ATXN10: variants seen among roughly 807,000 people sequenced by gnomAD.
ATXN10 encodes the protein ataxin 10, also known as ataxin-10.
Under a neutral mutation model 52.9 loss-of-function variants are expected in ATXN10, and 28 were observed. The ratio of observed to expected loss-of-function variants is 0.53; its 90% confidence interval spans 0.39 to 0.73. The LOEUF (loss-of-function observed/expected upper bound fraction) is 0.73. Ranked by LOEUF, ATXN10 falls within the 30% of genes least tolerant of loss-of-function variation. The pLI, the probability that ATXN10 is intolerant of heterozygous loss-of-function variation, is 0.00. For missense variants in ATXN10, 565 were observed against 577.0 expected (o/e 0.98, Z 0.21); for synonymous variants, 226 against 221.5 (o/e 1.02, Z -0.18).
intron 3 of ATXN10, 146 bp downstream of exon 3, chr22:45,693,224 T>G (rs1015910909): frequency 1.3e-6 from 1 of 742,958 alleles, no homozygotes; most frequent in Non-Finnish European, 2.3e-6. Flanking sequence ...TAAAGAATTA[T>G]AAAGTTGTAT....
chr22:45,829,521 A>G (rs1928922209), intron 10 of ATXN10, among the ~76,000 whole-genome samples: 1 of 152,212 alleles, frequency 6.6e-6, no homozygotes, highest in Admixed American at 6.5e-5. Context: ...CTCATGTTTT[A>G]ATGAATTCAG....
At chr22:45,806,929 AGT>A in intron 9 of ATXN10, 28 bp from the exon 10 acceptor site, 1 of 1,562,700 alleles carries the variant, frequency 6.4e-7, no homozygotes, top group Non-Finnish European at 8.8e-7. Flanking sequence ...TGCTGTTTTC[AGT>A]GTATAAACTT....
intron 5 of ATXN10, among the ~76,000 whole-genome samples, chr22:45,706,160 T>C (rs1340947626): frequency 6.6e-6 from 1 of 152,170 alleles, no homozygotes; most frequent in African/African-American, 2.4e-5. Context: ...GCCAAAAAGG[T>C]TGGGGACCAC....
chr22:45,744,672 G>C lies in ATXN10; in HGVS notation c.1173+4134G>C, dbSNP rs993417362. The C allele has an allele frequency of 6.6e-6, 1 of 152,306 alleles. No homozygotes were observed. Among genetic ancestry groups the C allele is most frequent in the Non-Finnish European group, 1.5e-5 (1 of 68,122 alleles). The allele number at this position is 152,306 out of a possible 1,614,324, so 9.4% of individuals were successfully genotyped here. A position where few individuals can be genotyped will look rare whatever the true frequency, so the allele number is the denominator to read the frequency against. On this transcript the variant is annotated intron_variant, in intron 9 of 11. Transcript: ENST00000252934. This position sits in a 1 kb window ranked among gnomAD's most constrained non-coding sequence, Gnocchi z 4.9. ...GGTGAGGCCTGTCAGAAAGGAACAG[G>C]GGGGTGATGTGTCCTCTGGGCTGGC...
intron 7 of ATXN10, among the ~76,000 whole-genome samples, chr22:45,735,071 G>C (rs1032151028): frequency 6.6e-6 from 1 of 151,864 alleles, no homozygotes; most frequent in South Asian, 2.1e-4. Flanking sequence ...TAGAGATGGG[G>C]TTTCGCCTTG....
chr22:45,698,203 A>G (rs796486298), intron 3 of ATXN10, among the ~76,000 whole-genome samples: 2 of 152,226 alleles, frequency 1.3e-5, no homozygotes, highest in East Asian at 1.9e-4. Flanking sequence ...TCTGCTTACC[A>G]TTTGAGGAGC....
intron 5 of ATXN10, among the ~76,000 whole-genome samples, chr22:45,717,039 G>T (rs1464465000): frequency 6.6e-6 from 1 of 152,030 alleles, no homozygotes; most frequent in East Asian, 1.9e-4. Flanking sequence ...CAGACACACT[G>T]CTGTTCTTTC....
chr22:45,729,868 A>G lies in ATXN10; in HGVS notation c.894+278A>G, dbSNP rs1925021539. The stretch of plus-strand genomic sequence containing the variant: ...CGTAGACATGTGCACATATGTATCT[A>G]TTAAAAGTGGAGCCTTTCTGTGCCT... On this transcript the variant is annotated intron_variant, in intron 7 of 11. Transcript: ENST00000252934. The G allele has an allele frequency of 2.1e-5, 9 of 426,522 alleles. No individual in the cohort carries two copies. In the Admixed American group the frequency reaches 2.4e-4, roughly 12 times the overall value. 26.4% of individuals were successfully genotyped at this position (426,522 alleles called of 1,614,324 possible).
rs1418767994 is a variant in ATXN10, at chr22:45,677,419, TATAGC to T, written c.116+5241_116+5245del. ...AATTTTTTTTTTCAGCTTCTATCAG[TATAGC>T]TCATTTTTTCTCTTCAATCTGCTTA... On this transcript the variant is annotated intron_variant, in intron 1 of 11. Transcript: ENST00000252934. The surrounding 1 kb of genome is among the most constrained non-coding windows in gnomAD (Gnocchi z 4.1). 1 of 151,592 alleles carries T rather than the reference TATAGC, an allele frequency of 6.6e-6. No individual in the cohort carries two copies. The highest frequency in any genetic ancestry group is 1.5e-5 in the Non-Finnish European group (1 of 67,912). 9.4% of individuals were successfully genotyped at this position (151,592 alleles called of 1,614,324 possible). A position where few individuals can be genotyped will look rare whatever the true frequency, so the allele number is the denominator to read the frequency against.
rs948857416 is a variant in ATXN10, at chr22:45,681,911, C to A, written c.117-7801C>A. Among the ~76,000 whole-genome samples the A allele has an allele frequency of 2.2e-4, 33 of 152,268 alleles. No homozygotes were observed. The highest frequency in any genetic ancestry group is 7.9e-4 in the African/African-American group (33 of 41,550). On this transcript the variant is annotated intron_variant, in intron 1 of 11. Coordinates refer to ENST00000252934, the MANE Select transcript of ATXN10 (RefSeq NM_013236.4). This position sits in a 1 kb window ranked among gnomAD's most constrained non-coding sequence, Gnocchi z 4.2. Reference sequence around the variant, plus strand: ...GATAATTTCCAGGAACTCTCATCACCCTCTCTGCCCACCTACTTGTATCTG... The same window carrying A: ...GATAATTTCCAGGAACTCTCATCACACTCTCTGCCCACCTACTTGTATCTG...
chr22:45,836,958 G>A (rs1157988319), intron 10 of ATXN10, among the ~76,000 whole-genome samples: 1 of 152,148 alleles, frequency 6.6e-6, no homozygotes, highest in Non-Finnish European at 1.5e-5. Flanking sequence ...CTATGTGCAG[G>A]CCCCCTCTGG....
At position 45,757,954 on chromosome 22, in the gene ATXN10, A is replaced by G. The variant is rs1926234318; in HGVS notation, c.1173+17416A>G. ...ATTTACTTCTTTTGAAATTTGTAAA[A>G]GAAGAAAAAAAGTTGAGCTTTTGTG... On this transcript the variant is annotated intron_variant, in intron 9 of 11. Coordinates refer to ENST00000252934, the MANE Select transcript of ATXN10 (RefSeq NM_013236.4). The surrounding 1 kb of genome is among the most constrained non-coding windows in gnomAD (Gnocchi z 4.6). 1.3e-5 allele frequency among the ~76,000 whole-genome samples: 2 copies of G among 152,260 alleles called. No individual in the cohort carries two copies. The highest frequency in any genetic ancestry group is 2.4e-5 in the African/African-American group (1 of 41,466).
intron 10 of ATXN10, among the ~76,000 whole-genome samples, chr22:45,813,036 G>A (rs1928335052): frequency 6.6e-6 from 1 of 152,190 alleles, no homozygotes; most frequent in African/African-American, 2.4e-5. Flanking sequence ...ACAAGGGGAA[G>A]CTTAACTCTG....
At chr22:45,811,900 C>G in intron 10 of ATXN10, 1 of 421,132 alleles carries the variant, frequency 2.4e-6, no homozygotes, top group South Asian at 1.8e-5. Flanking sequence ...ATAAGCATGC[C>G]CCTGTTCACA....
At position 45,750,322 on chromosome 22, in the gene ATXN10, C is replaced by T. The variant is rs943958856; in HGVS notation, c.1173+9784C>T. Among the ~76,000 whole-genome samples, 3 of 152,044 alleles carry T rather than the reference C, an allele frequency of 2.0e-5. No individual in the cohort carries two copies. The highest frequency in any genetic ancestry group is 4.4e-5 in the Non-Finnish European group (3 of 68,008). On this transcript the variant is annotated intron_variant, in intron 9 of 11. Transcript: ENST00000252934. This position sits in a 1 kb window ranked among gnomAD's most constrained non-coding sequence, Gnocchi z 4.2. Reference sequence around the variant, plus strand: ...TGTTCCCCAGGCTGGTCTTGAACTCCTGAGCTTGAGCAGTCTGTCCACCTT... The same window carrying T: ...TGTTCCCCAGGCTGGTCTTGAACTCTTGAGCTTGAGCAGTCTGTCCACCTT...
chr22:45,714,396 T>C (rs1163490251), intron 5 of ATXN10, among the ~76,000 whole-genome samples: 1 of 152,184 alleles, frequency 6.6e-6, no homozygotes, highest in Admixed American at 6.5e-5. Flanking sequence ...TTATTTTTTA[T>C]TTTTTTGAGA....
At chr22:45,721,652 G>T (rs1446582772) in intron 6 of ATXN10, among the ~76,000 whole-genome samples, 1 of 152,144 alleles carries the variant, frequency 6.6e-6, no homozygotes, top group Admixed American at 6.5e-5. Context: ...CTGCTACTAT[G>T]CTGATGACCT....
At chr22:45,687,242 A>G (rs369686432) in intron 1 of ATXN10, among the ~76,000 whole-genome samples, 28 of 152,152 alleles carry the variant, frequency 1.8e-4, no homozygotes, top group Non-Finnish European at 3.7e-4. Context: ...TATTTATTCT[A>G]TGGTCGGGAA....
chr22:45,729,239 T>C (rs976964199), intron 6 of ATXN10, among the ~76,000 whole-genome samples, 186 bp from the exon 7 acceptor site: 1 of 152,150 alleles, frequency 6.6e-6, no homozygotes, highest in African/African-American at 2.4e-5. Context: ...ATCAAAGAAA[T>C]GAAGAATTTA....
Sources: gnomAD v4.1 joint callset for allele counts (sites outside exome capture counted in the v4.1 genomes callset) on GRCh38, gnomAD v4.1.1 for gene constraint, Gnocchi (gnomAD v3.1) non-coding constraint, MANE v1.5 for transcripts, NCBI Gene and HGNC (gene_info 2026-07-23, HGNC 2026-07-21) for gene names.